CACNG3: variants seen among roughly 807,000 people sequenced by gnomAD.
CACNG3 encodes the protein voltage-dependent calcium channel gamma-3 subunit.
In CACNG3, 3 loss-of-function variants were observed where a neutral mutation model predicts 28.5. The observed-to-expected ratio is 0.11, with a 90% CI of 0.05 to 0.27. CACNG3 has a LOEUF of 0.27. Ranked by LOEUF, CACNG3 falls within the 10% of genes least tolerant of loss-of-function variation. CACNG3 has a pLI of 1.00. For synonymous variants in CACNG3, 174 were observed against 162.2 expected (o/e 1.07, Z -0.55); for missense variants, 236 against 414.4 (o/e 0.57, Z 3.74).
intron 1 of CACNG3, among the ~76,000 whole-genome samples, chr16:24,263,660 A>C (rs1898562993): frequency 6.6e-6 from 1 of 152,162 alleles, no homozygotes; most frequent in Admixed American, 6.5e-5. Context: ...GAGACCTTGA[A>C]AGTTACCTAC....
chr16:24,304,649 C>T (rs915698561), intron 1 of CACNG3, among the ~76,000 whole-genome samples: 3 of 152,176 alleles, frequency 2.0e-5, no homozygotes, highest in African/African-American at 4.8e-5. Flanking sequence ...TCTCAGCTCA[C>T]TGCAGCCTTA....
intron 1 of CACNG3, among the ~76,000 whole-genome samples, chr16:24,271,730 G>A (rs971620327): frequency 6.6e-6 from 1 of 152,196 alleles, no homozygotes; most frequent in African/African-American, 2.4e-5. Context: ...GCTCACAACT[G>A]TGTAGGAAAG....
chr16:24,345,192 A>C (rs921675354), intron 1 of CACNG3, among the ~76,000 whole-genome samples: 8 of 152,210 alleles, frequency 5.3e-5, no homozygotes, highest in Admixed American at 5.2e-4. Context: ...CTGAAATACC[A>C]ACGCAGCTCT....
intron 1 of CACNG3, among the ~76,000 whole-genome samples, chr16:24,332,859 C>A (rs1899649708): frequency 1.3e-5 from 2 of 152,138 alleles, no homozygotes; most frequent in African/African-American, 2.4e-5. Context: ...CAGCCTGGTT[C>A]TGATTGCCAG....
At chr16:24,351,827 C>G (rs941589690) in intron 2 of CACNG3, among the ~76,000 whole-genome samples, 4 of 127,178 alleles carry the variant, frequency 3.1e-5, no homozygotes, top group African/African-American at 1.3e-4. Flanking sequence ...TTCTCTCTCT[C>G]TCTCTTTTTT....
At chr16:24,308,213 G>A (rs1899211792) in intron 1 of CACNG3, among the ~76,000 whole-genome samples, 1 of 152,156 alleles carries the variant, frequency 6.6e-6, no homozygotes, top group African/African-American at 2.4e-5. Context: ...ATAAACGGTG[G>A]AATGACCGCA....
Position 24,280,171 on chromosome 16 carries a change from T to C in CACNG3, c.211+23206T>C, listed in dbSNP as rs530637173. On this transcript the variant is annotated intron_variant, in intron 1 of 3. Transcript: ENST00000005284. ...TCTAATTAGGCACAGATAGAGTTTA[T>C]TGGGTCGTGGAAAGCCAGTTGTGTG... 3.9e-5 allele frequency among the ~76,000 whole-genome samples: 6 copies of C among 152,316 alleles called. No individual in the cohort carries two copies. In the East Asian group the frequency reaches 7.7e-4, roughly 20 times the overall value.
At chr16:24,321,167 C>T (rs771196162) in intron 1 of CACNG3, among the ~76,000 whole-genome samples, 13 of 152,158 alleles carry the variant, frequency 8.5e-5, no homozygotes, top group Non-Finnish European at 1.6e-4. Context: ...GTCACTTAAC[C>T]GTTGGCTTGG....
chr16:24,307,264 G>A (rs1899198267), intron 1 of CACNG3, among the ~76,000 whole-genome samples: 2 of 152,110 alleles, frequency 1.3e-5, no homozygotes, highest in South Asian at 4.1e-4. Context: ...TGGGATAACA[G>A]GCACACACCA....
At chr16:24,330,086 A>T (rs1182795922) in intron 1 of CACNG3, among the ~76,000 whole-genome samples, 1 of 152,194 alleles carries the variant, frequency 6.6e-6, no homozygotes, top group Non-Finnish European at 1.5e-5. Context: ...GTGTCTGGTA[A>T]TGAGACATAA....
At chr16:24,339,428 C>T (rs1279618124) in intron 1 of CACNG3, among the ~76,000 whole-genome samples, 2 of 151,210 alleles carry the variant, frequency 1.3e-5, no homozygotes, top group Non-Finnish European at 2.9e-5. Context: ...CTGTCTCACT[C>T]AAGCTGGAGT....
chr16:24,334,327 G>T (rs1319126534), intron 1 of CACNG3, among the ~76,000 whole-genome samples: 1 of 152,198 alleles, frequency 6.6e-6, no homozygotes, highest in Admixed American at 6.5e-5. Flanking sequence ...GGTTGGAGCA[G>T]GTTCCAGGCA....
chr16:24,316,752 G>C (rs770733016), intron 1 of CACNG3, among the ~76,000 whole-genome samples: 1 of 152,190 alleles, frequency 6.6e-6, no homozygotes, highest in Admixed American at 6.5e-5. Flanking sequence ...TGAGTGACAC[G>C]GTTTGGCCCA....
At chr16:24,257,594 C>T (rs1192415902) in intron 1 of CACNG3, among the ~76,000 whole-genome samples, 1 of 152,120 alleles carries the variant, frequency 6.6e-6, no homozygotes, top group Admixed American at 6.6e-5. Flanking sequence ...CCTATGCACA[C>T]ATTTTAAGAA....
At chr16:24,317,658 A>C (rs1254958586) in intron 1 of CACNG3, among the ~76,000 whole-genome samples, 2 of 86,174 alleles carry the variant, frequency 2.3e-5, no homozygotes, top group East Asian at 3.5e-4. Context: ...AAAAGAAAGA[A>C]AGAAAGAAAG....
chr16:24,281,449 C>CT (rs1898826406), intron 1 of CACNG3, among the ~76,000 whole-genome samples: 1 of 151,956 alleles, frequency 6.6e-6, no homozygotes, highest in Non-Finnish European at 1.5e-5. Context: ...TCAATTGATC[C>CT]TCCCCCTACC....
chr16:24,289,795 T>C (rs1291258196), intron 1 of CACNG3, among the ~76,000 whole-genome samples: 4 of 152,250 alleles, frequency 2.6e-5, no homozygotes, highest in African/African-American at 7.2e-5. Context: ...AGTTTCCTTA[T>C]TTGTAAAATG....
intron 1 of CACNG3, among the ~76,000 whole-genome samples, chr16:24,292,883 G>A (rs1205846334): frequency 6.6e-6 from 1 of 152,214 alleles, no homozygotes; most frequent in Non-Finnish European, 1.5e-5. Flanking sequence ...GATAGAATGG[G>A]GAACAGGAAA....
At chr16:24,342,136 C>T (rs1013485295) in intron 1 of CACNG3, among the ~76,000 whole-genome samples, 7 of 152,056 alleles carry the variant, frequency 4.6e-5, no homozygotes, top group African/African-American at 1.2e-4. Context: ...GGCATGGTGG[C>T]ACGCGCCTGT....
Sources: gnomAD v4.1 joint callset for allele counts (sites outside exome capture counted in the v4.1 genomes callset) on GRCh38, gnomAD v4.1.1 for gene constraint, MANE v1.5 for transcripts, NCBI Gene and HGNC (gene_info 2026-07-23, HGNC 2026-07-21) for gene names.